ABHD6: variants seen among roughly 807,000 people sequenced by gnomAD.
The protein encoded by ABHD6 is monoacylglycerol lipase ABHD6.
In ABHD6, 33 loss-of-function variants were observed where a neutral mutation model predicts 38.8. That is an observed-to-expected ratio of 0.85 (90% CI 0.64 to 1.14). ABHD6 has a LOEUF of 1.14. Ranked by LOEUF, ABHD6 falls within the 50% of genes most tolerant of loss-of-function variation. The pLI is 0.00. For synonymous variants in ABHD6, 147 were observed against 161.6 expected (o/e 0.91, Z 0.69); for missense variants, 380 against 422.6 (o/e 0.90, Z 0.88).
At chr3:58,240,969 A>G (rs1307959668) in intron 1 of ABHD6, among the ~76,000 whole-genome samples, 2 of 151,850 alleles carry the variant, frequency 1.3e-5, no homozygotes, top group African/African-American at 2.4e-5. Flanking sequence ...ACCTCAGGTG[A>G]TCTGCCCGCC....
At chr3:58,289,435 T>C (rs2097459888) in intron 9 of ABHD6, among the ~76,000 whole-genome samples, 1 of 149,614 alleles carries the variant, frequency 6.7e-6, no homozygotes, top group Admixed American at 6.6e-5. Context: ...TGGTGATGAC[T>C]CTTAACGAGC....
At chr3:58,284,740 C>A (rs1023765034) in intron 7 of ABHD6, among the ~76,000 whole-genome samples, 1 of 152,126 alleles carries the variant, frequency 6.6e-6, no homozygotes, top group Non-Finnish European at 1.5e-5. Flanking sequence ...CATGAGCCAC[C>A]ATGCCCGGCC....
intron 1 of ABHD6, among the ~76,000 whole-genome samples, chr3:58,241,026 G>A (rs111682548): frequency 0.13 from 19,020 of 151,938 alleles, 1,657 homozygotes; most frequent in African/African-American, 0.24. Context: ...CACCGCGCCC[G>A]GCCAAACCTG....
At chr3:58,280,842 A>G (rs962736517) in intron 7 of ABHD6, among the ~76,000 whole-genome samples, 2 of 152,184 alleles carry the variant, frequency 1.3e-5, no homozygotes, top group Non-Finnish European at 1.5e-5. Context: ...CCTTATAACA[A>G]TCAGGTCCCT....
Position 58,293,110 on chromosome 3 carries a change from C to A in ABHD6, c.838-479C>A, listed in dbSNP as rs976175132. Among the ~76,000 whole-genome samples the A allele has an allele frequency of 2.6e-5, 4 of 152,100 alleles. No homozygotes were observed. Among genetic ancestry groups the A allele is most frequent in the Admixed American group, 6.5e-5 (1 of 15,272 alleles). ...TCTCTGCCCCTTCTCCCCACCATGC[C>A]ACCCCCACTGCCCATGTGCTTGGTG... On this transcript the variant is annotated intron_variant, in intron 9 of 9. Coordinates refer to ENST00000478253, the MANE Select transcript of ABHD6 (RefSeq NM_001320126.2). The surrounding 1 kb of genome is among the most constrained non-coding windows in gnomAD (Gnocchi z 4.4).
intron 1 of ABHD6, among the ~76,000 whole-genome samples, chr3:58,243,049 A>T (rs2097423935): frequency 6.6e-6 from 1 of 152,060 alleles, no homozygotes; most frequent in African/African-American, 2.4e-5. Context: ...AAGGACATGA[A>T]CTCATCCTTT....
At chr3:58,243,827 A>G (rs951437387) in intron 1 of ABHD6, among the ~76,000 whole-genome samples, 1 of 151,794 alleles carries the variant, frequency 6.6e-6, no homozygotes, top group Admixed American at 6.6e-5. Flanking sequence ...CGCCTGCCTA[A>G]TTTTTTTGTG....
rs191350352 is a variant in ABHD6, at chr3:58,274,388, G to A, written c.524-270G>A. Among the ~76,000 whole-genome samples, 9 of 152,266 alleles carry A rather than the reference G, an allele frequency of 5.9e-5. No homozygotes were observed. The East Asian group carries it at 7.7e-4, about 13-fold the overall frequency. ...TTCAAGAGGCTCAGGGAGGAGCAGC[G>A]TCTGCATTTCTTGTGGGCTTTTGAT... On this transcript the variant is annotated intron_variant, in intron 6 of 9. Transcript: ENST00000478253.
chr3:58,283,189 C>T (rs1456405158), intron 7 of ABHD6, among the ~76,000 whole-genome samples: 6 of 152,190 alleles, frequency 3.9e-5, no homozygotes, highest in Non-Finnish European at 7.4e-5. Context: ...GTGGCATGTT[C>T]CACCCCTGAA....
rs2097433428 is a variant in ABHD6 at position 58,256,502 on chromosome 3, C to G, written c.-25-60C>G. 3.0e-6 allele frequency: 3 copies of G among 1,014,302 alleles called. No homozygotes were observed. In the East Asian group the frequency reaches 7.6e-5, roughly 26 times the overall value. 62.8% of individuals were successfully genotyped at this position (1,014,302 alleles called of 1,614,324 possible). A position where few individuals can be genotyped will look rare whatever the true frequency, so the allele number is the denominator to read the frequency against. On this transcript the variant is annotated intron_variant, in intron 2 of 9. Transcript: ENST00000478253. The surrounding 1 kb of genome is among the most constrained non-coding windows in gnomAD (Gnocchi z 4.3). ...TTCACTTTTCTTGTCCCCTTTACTT[C>G]TTCGCCTTTTTTCCTTTGATACAGA...
At position 58,269,132 on chromosome 3, in the gene ABHD6, G is replaced by A. The variant is rs750778902; in HGVS notation, c.277-189G>A. Reference sequence around the variant, plus strand: ...CTTCCATCTATGTATTAGCCTTTGTGGGCCTCTGCTCCCGATGAGGCTACT... The same window carrying A: ...CTTCCATCTATGTATTAGCCTTTGTAGGCCTCTGCTCCCGATGAGGCTACT... On this transcript the variant is annotated intron_variant, in intron 4 of 9. Transcript: ENST00000478253. This position sits in a 1 kb window ranked among gnomAD's most constrained non-coding sequence, Gnocchi z 4.4. Among the ~76,000 whole-genome samples, 19 of 152,144 alleles carry A rather than the reference G, an allele frequency of 1.2e-4. No individual in the cohort carries two copies. The highest frequency in any genetic ancestry group is 2.9e-5 in the Non-Finnish European group (2 of 68,028).
At chr3:58,291,249 G>A (rs1189030487) in intron 9 of ABHD6, among the ~76,000 whole-genome samples, 2 of 151,334 alleles carry the variant, frequency 1.3e-5, no homozygotes, top group Admixed American at 6.6e-5. Context: ...GTGGCAGTGT[G>A]CACCTGCAAT....
chr3:58,272,777 A>G (rs961744996), intron 6 of ABHD6, among the ~76,000 whole-genome samples: 2 of 152,238 alleles, frequency 1.3e-5, no homozygotes, highest in African/African-American at 4.8e-5. Context: ...AAAACTAAAA[A>G]GTAGAAATAA....
At chr3:58,252,226 C>CTTTTTTTT (rs1238327583) in intron 2 of ABHD6, among the ~76,000 whole-genome samples, 1 of 71,254 alleles carries the variant, frequency 1.4e-5, no homozygotes, top group African/African-American at 8.2e-5. Flanking sequence ...AAATTGACTG[C>CTTTTTTTT]TTGTTTTTTT....
chr3:58,249,337 A>C (rs1020317828), intron 1 of ABHD6, among the ~76,000 whole-genome samples: 21 of 152,148 alleles, frequency 1.4e-4, no homozygotes, highest in Admixed American at 1.4e-3. Context: ...GAAACAATTC[A>C]GGGGTTTTTC....
rs937677043 is a variant in ABHD6 at position 58,256,181 on chromosome 3, A to C, written c.-25-381A>C. Among the ~76,000 whole-genome samples the C allele has an allele frequency of 2.0e-5, 3 of 151,850 alleles. No homozygotes were observed. Among genetic ancestry groups the C allele is most frequent in the Admixed American group, 6.6e-5 (1 of 15,214 alleles). On this transcript the variant is annotated intron_variant, in intron 2 of 9. Coordinates refer to ENST00000478253, the MANE Select transcript of ABHD6 (RefSeq NM_001320126.2). This position sits in a 1 kb window ranked among gnomAD's most constrained non-coding sequence, Gnocchi z 4.3. Reference sequence around the variant, plus strand: ...GATACCATTATACTTCACCCCTTACAACTTCAGCAAACATCTCCTAAAAGG... The same window carrying C: ...GATACCATTATACTTCACCCCTTACCACTTCAGCAAACATCTCCTAAAAGG...
chr3:58,257,232 C>T lies in ABHD6; in HGVS notation c.119+527C>T, dbSNP rs2097434031. Among the ~76,000 whole-genome samples the T allele has an allele frequency of 6.6e-6, 1 of 151,994 alleles. No individual in the cohort carries two copies. The highest frequency in any genetic ancestry group is 1.5e-5 in the Non-Finnish European group (1 of 67,972). On this transcript the variant is annotated intron_variant, in intron 3 of 9. Coordinates refer to ENST00000478253, the MANE Select transcript of ABHD6 (RefSeq NM_001320126.2). The surrounding 1 kb of genome is among the most constrained non-coding windows in gnomAD (Gnocchi z 4.8). ...CTTTTAGGTTTCTGATAGCATCTTT[C>T]TCCACCCACATTCCCAAAGTCAGTG...
chr3:58,245,982 A>G (rs2097426102), intron 1 of ABHD6, among the ~76,000 whole-genome samples: 1 of 152,214 alleles, frequency 6.6e-6, no homozygotes, highest in South Asian at 2.1e-4. Flanking sequence ...ATAGAGGGCT[A>G]TTTTAATTCC....
At chr3:58,286,856 ATATATATATATATG>A (rs2097457636) in intron 9 of ABHD6, among the ~76,000 whole-genome samples, 5 of 121,456 alleles carry the variant, frequency 4.1e-5, no homozygotes, top group Admixed American at 3.8e-4. Flanking sequence ...GTGTGTGTAT[ATATATATATATATG>A]TATATGTATA....
Sources: gnomAD v4.1 joint callset for allele counts (sites outside exome capture counted in the v4.1 genomes callset) on GRCh38, gnomAD v4.1.1 for gene constraint, Gnocchi (gnomAD v3.1) non-coding constraint, MANE v1.5 for transcripts, NCBI Gene and HGNC (gene_info 2026-07-23, HGNC 2026-07-21) for gene names.